ADK: variants seen among roughly 807,000 people sequenced by gnomAD.
ADK encodes adenosine kinase, also known as N6,N6-dimethyladenosine kinase.
Under a neutral mutation model 44.7 loss-of-function variants are expected in ADK, and 24 were observed. The ratio of observed to expected loss-of-function variants is 0.54; its 90% CI spans 0.39 to 0.76. The LOEUF (loss-of-function observed/expected upper bound fraction) is 0.76. Ranked by LOEUF, ADK falls within the 30% of genes least tolerant of loss-of-function variation. The pLI, the probability that ADK is intolerant of heterozygous loss-of-function variation, is 0.00. For missense variants in ADK, 321 were observed against 425.1 expected (o/e 0.76, Z 2.15); for synonymous variants, 128 against 142.6 (o/e 0.90, Z 0.73).
At chr10:74,466,510 A>C (rs1846363540) in intron 6 of ADK, among the ~76,000 whole-genome samples, 1 of 152,170 alleles carries the variant, frequency 6.6e-6, no homozygotes, top group African/African-American at 2.4e-5. Flanking sequence ...GGAAAAAGTT[A>C]TCATCTCAAA....
intron 3 of ADK, among the ~76,000 whole-genome samples, chr10:74,275,093 G>A (rs763794879): frequency 3.0e-4 from 46 of 152,006 alleles, no homozygotes; most frequent in Non-Finnish European, 5.3e-4. Context: ...GCAGATGAAG[G>A]CCCCCTGGGT....
intron 9 of ADK, among the ~76,000 whole-genome samples, chr10:74,639,335 TTAAA>T (rs1388654717): frequency 1.3e-5 from 2 of 152,224 alleles, no homozygotes; most frequent in African/African-American, 4.8e-5. Context: ...CTCTTGGAAT[TTAAA>T]TAATCAAAAG....
intron 10 of ADK, among the ~76,000 whole-genome samples, chr10:74,680,904 T>C (rs1564849728): frequency 1.3e-5 from 2 of 152,250 alleles, no homozygotes; most frequent in Admixed American, 6.5e-5. Flanking sequence ...AATTTAGATA[T>C]ATTTCTAGCC....
chr10:74,210,911 A>G (rs561468361), intron 2 of ADK, among the ~76,000 whole-genome samples: 1 of 152,114 alleles, frequency 6.6e-6, no homozygotes, highest in South Asian at 2.1e-4. Context: ...CTTTGAGATG[A>G]AGTTTCACTG....
chr10:74,310,461 T>C (rs1304493892), intron 3 of ADK, among the ~76,000 whole-genome samples: 1 of 152,264 alleles, frequency 6.6e-6, no homozygotes, highest in East Asian at 1.9e-4. Context: ...TTATCCAAAC[T>C]AGCAACCTCA....
chr10:74,368,729 A>G (rs1203526515), intron 4 of ADK, among the ~76,000 whole-genome samples: 1 of 151,530 alleles, frequency 6.6e-6, no homozygotes, highest in East Asian at 2.0e-4. Context: ...TCCTGTGTTC[A>G]AGTGATTCTC....
intron 4 of ADK, among the ~76,000 whole-genome samples, chr10:74,377,065 T>G (rs1842840810): frequency 2.0e-5 from 3 of 152,192 alleles, no homozygotes; most frequent in African/African-American, 7.2e-5. Context: ...GGTGTAGGTT[T>G]TTTGTTTGTC....
At chr10:74,555,913 C>CT (rs1463479716) in intron 7 of ADK, among the ~76,000 whole-genome samples, 1 of 152,160 alleles carries the variant, frequency 6.6e-6, no homozygotes, top group Non-Finnish European at 1.5e-5. Context: ...TTCCTATTGA[C>CT]TACATCTGAG....
At chr10:74,346,251 G>A (rs1266942744) in intron 4 of ADK, among the ~76,000 whole-genome samples, 1 of 151,844 alleles carries the variant, frequency 6.6e-6, no homozygotes. Flanking sequence ...CAATGCCATG[G>A]TACATATCAT....
chr10:74,531,211 T>C (rs1169148449), intron 7 of ADK, among the ~76,000 whole-genome samples: 1 of 152,140 alleles, frequency 6.6e-6, no homozygotes, highest in East Asian at 1.9e-4. Context: ...CCTATAACCA[T>C]TCCTATCCTA....
chr10:74,707,763 CAAA>C (rs565886417), intron 10 of ADK, among the ~76,000 whole-genome samples: 5 of 104,030 alleles, frequency 4.8e-5, no homozygotes, highest in Non-Finnish European at 7.3e-5. Context: ...AACTCCACCT[CAAA>C]AAAAAAAAAA....
At chr10:74,312,914 CAAAAAAAAAAAAAA>C (rs56052959) in intron 3 of ADK, among the ~76,000 whole-genome samples, 1 of 37,820 alleles carries the variant, frequency 2.6e-5, no homozygotes, top group African/African-American at 9.8e-5. Context: ...ATTCTGTCTC[CAAAAAAAAAAAAAA>C]AAAAAAAAAA....
chr10:74,300,279 C>CTTCT (rs1839970023), intron 3 of ADK, among the ~76,000 whole-genome samples: 1 of 70,218 alleles, frequency 1.4e-5, no homozygotes, highest in Non-Finnish European at 2.9e-5. Flanking sequence ...TCCTTCCTTC[C>CTTCT]TTCCTTCCTT....
chr10:74,621,616 G>A (rs1002283722), intron 9 of ADK, among the ~76,000 whole-genome samples: 2 of 152,188 alleles, frequency 1.3e-5, no homozygotes, highest in Middle Eastern at 3.4e-3. Context: ...AATGTCATTC[G>A]TATTTTGATA....
At chr10:74,390,745 A>G (rs1316508211) in intron 4 of ADK, among the ~76,000 whole-genome samples, 1 of 151,908 alleles carries the variant, frequency 6.6e-6, no homozygotes, top group Admixed American at 6.6e-5. Flanking sequence ...CTTTCCTCCC[A>G]CCTTTTTGGT....
chr10:74,301,729 TA>T (rs1840039263), intron 3 of ADK, among the ~76,000 whole-genome samples: 1 of 152,078 alleles, frequency 6.6e-6, no homozygotes, highest in Non-Finnish European at 1.5e-5. Flanking sequence ...CCAAACTATT[TA>T]CTACCTGGCC....
chr10:74,161,500 C>G (rs887009093), intron 1 of ADK, among the ~76,000 whole-genome samples: 1 of 151,592 alleles, frequency 6.6e-6, no homozygotes, highest in Non-Finnish European at 1.5e-5. Flanking sequence ...TGAGTCACCG[C>G]GCCTGGCCTA....
intron 1 of ADK, among the ~76,000 whole-genome samples, chr10:74,160,040 A>G (rs1021910751): frequency 6.6e-6 from 1 of 152,216 alleles, no homozygotes; most frequent in African/African-American, 2.4e-5. Context: ...GTCCAAAGGA[A>G]GAGAGTTTTT....
At chr10:74,650,122 A>G (rs1411348745) in intron 9 of ADK, among the ~76,000 whole-genome samples, 1 of 152,168 alleles carries the variant, frequency 6.6e-6, no homozygotes, top group Non-Finnish European at 1.5e-5. Flanking sequence ...GTAAAATATT[A>G]TAGAAAGTAA....
Sources: allele counts gnomAD v4.1 joint callset (sites outside exome capture counted in the v4.1 genomes callset), GRCh38; gene constraint gnomAD v4.1.1; transcripts MANE v1.5; gene names NCBI Gene and HGNC (gene_info 2026-07-23, HGNC 2026-07-21).